The following CTPS2 variants were observed in gnomAD, a reference collection of about 807,000 sequenced individuals.
CTPS2 encodes CTP synthase II.
In CTPS2, 19 loss-of-function variants were observed where a neutral mutation model predicts 46.8. The ratio of observed to expected loss-of-function variants is 0.41; its 90% confidence interval spans 0.28 to 0.60. CTPS2 has a LOEUF of 0.60. Ranked by LOEUF, CTPS2 falls within the 20% of genes least tolerant of loss-of-function variation. CTPS2 has a pLI of 0.35. For missense variants in CTPS2, 286 were observed against 447.6 expected, an observed-to-expected ratio of 0.64 and a Z score of 3.26; for synonymous variants, 151 against 165.2, an observed-to-expected ratio of 0.91 and a Z score of 0.66.
chrX:16,642,994 C>T (rs1179119971), intron 13 of CTPS2, among the ~76,000 whole-genome samples: 1 of 112,020 alleles, frequency 8.9e-6, no homozygotes, highest in African/African-American at 3.2e-5. Context: ...TCTCTTGGAA[C>T]TGAGCCATAT....
intron 8 of CTPS2, among the ~76,000 whole-genome samples, chrX:16,688,966 G>T (rs1923472026): frequency 9.1e-6 from 1 of 110,320 alleles, no homozygotes; most frequent in African/African-American, 3.3e-5. Context: ...GGGTGTGGTG[G>T]TGTGTGCCTC....
intron 4 of CTPS2, among the ~76,000 whole-genome samples, chrX:16,693,844 T>C (rs779594933): frequency 9.0e-6 from 1 of 110,980 alleles, no homozygotes; most frequent in South Asian, 3.8e-4. Flanking sequence ...TCCACGTGTA[T>C]ACTCTTCAGT....
chrX:16,674,730 C>T (rs934053456), intron 10 of CTPS2, among the ~76,000 whole-genome samples: 5 of 105,718 alleles, frequency 4.7e-5, no homozygotes, highest in South Asian at 8.7e-4. Context: ...CCCAGCTACT[C>T]GGGAGGCTGA....
intron 9 of CTPS2, among the ~76,000 whole-genome samples, chrX:16,681,515 C>T (rs1443372956): frequency 9.0e-6 from 1 of 111,359 alleles, no homozygotes; most frequent in African/African-American, 3.3e-5. Flanking sequence ...GAGGAATCTG[C>T]TTTCTGCATT....
chrX:16,670,618 G>A lies in CTPS2; in HGVS notation c.1151C>T (p.Ala384Val), dbSNP rs764056005. 5.0e-6 allele frequency: 6 copies of A among 1,206,452 alleles called. No homozygotes were observed. The highest frequency in any genetic ancestry group is 3.0e-5 in the East Asian group (1 of 33,622). ...CTTCTTTGTCCTTGCCCAAGAAATC[G>A]CCTGGAGTTTTCCCAATGTTCCTCT... ...GIRGTLGKLQAISWARTKKIP... is the reference protein window; with the variant it reads ...GIRGTLGKLQVISWARTKKIP... The change falls in exon 11 of 19, where the codon GCG becomes GTG. Residue 384 changes from alanine (A) to valine (V), a missense_variant. Ala to Val is a moderately conservative substitution (Grantham distance 64). Transcript: ENST00000359276.
intron 13 of CTPS2, among the ~76,000 whole-genome samples, chrX:16,667,127 C>G (rs757058674): frequency 3.2e-5 from 3 of 94,983 alleles, no homozygotes. Context: ...AATAATAGAC[C>G]CCCCCCCGCC....
chrX:16,633,139 G>A (rs61562626), intron 14 of CTPS2, among the ~76,000 whole-genome samples: 1,310 of 102,921 alleles, frequency 0.013, 19 homozygotes, highest in African/African-American at 0.044. Flanking sequence ...ACTGGAGTGC[G>A]GTGGTACAAT....
Position 16,680,343 on chromosome X carries a change from A to G in CTPS2, c.1006-1893T>C, listed in dbSNP as rs371904810. Among the ~76,000 whole-genome samples the G allele has an allele frequency of 2.0e-4, 22 of 109,941 alleles. No homozygotes were observed. In the East Asian group the frequency reaches 6.1e-3, roughly 30 times the overall value. On this transcript the variant is annotated intron_variant, in intron 9 of 18. Coordinates refer to ENST00000359276, the MANE Select transcript of CTPS2 (RefSeq NM_175859.3). ...GGAGGCCGAGGCAGGTGGATCACTT[A>G]AGGCCAGGAGTTTAAGACCAGCCTG...
rs1312815218 is a variant in CTPS2 at position 16,670,494 on chromosome X, T to C, written c.1189+86A>G. 5.9e-6 allele frequency: 4 copies of C among 680,930 alleles called. No individual in the cohort carries two copies. The East Asian group carries it at 1.0e-4, about 17-fold the overall frequency. 56.1% of individuals were successfully genotyped at this position (680,930 alleles called of 1,213,427 possible). Reference sequence around the variant, plus strand: ...ACTTTCAAATCCGAGTTCACACCTTTACGATAACAAACCTTTAGTGTTACC... The same window carrying C: ...ACTTTCAAATCCGAGTTCACACCTTCACGATAACAAACCTTTAGTGTTACC... On this transcript the variant is annotated intron_variant, in intron 11 of 18. Transcript: ENST00000359276.
At chrX:16,697,326 C>T (rs1467071553) in intron 4 of CTPS2, among the ~76,000 whole-genome samples, 1 of 110,027 alleles carries the variant, frequency 9.1e-6, no homozygotes, top group Non-Finnish European at 1.9e-5. Flanking sequence ...GGCAATTAAG[C>T]CAACTGACAT....
At chrX:16,628,119 T>C (rs1931260839) in intron 14 of CTPS2, among the ~76,000 whole-genome samples, 1 of 111,515 alleles carries the variant, frequency 9.0e-6, no homozygotes, top group African/African-American at 3.3e-5. Context: ...GGCTCCTTTA[T>C]TTCTCCTTTA....
chrX:16,609,708 G>C, intron 16 of CTPS2, 23 bp from the exon 17 acceptor site: 2 of 1,179,830 alleles, frequency 1.7e-6, no homozygotes, highest in Non-Finnish European at 2.3e-6. Context: ...CAATCACGAT[G>C]CGATTAAAGC....
intron 8 of CTPS2, among the ~76,000 whole-genome samples, chrX:16,685,091 CA>C (rs373137189): frequency 1.9e-3 from 202 of 104,871 alleles, no homozygotes; most frequent in African/African-American, 6.5e-3. Flanking sequence ...ACTTCTTCTC[CA>C]AAAAAAAAAG....
chrX:16,703,458 G>A (rs1391883030), intron 1 of CTPS2, among the ~76,000 whole-genome samples: 1 of 110,332 alleles, frequency 9.1e-6, no homozygotes, highest in African/African-American at 3.3e-5. Context: ...AGGCTCCAGA[G>A]TGGCTGGGAC....
At chrX:16,673,951 A>G (rs1449795603) in intron 10 of CTPS2, among the ~76,000 whole-genome samples, 1 of 111,988 alleles carries the variant, frequency 8.9e-6, no homozygotes, top group Non-Finnish European at 1.9e-5. Context: ...GTACGTAATT[A>G]AAATTGCTTA....
intron 14 of CTPS2, among the ~76,000 whole-genome samples, chrX:16,633,262 T>A (rs1328070118): frequency 9.2e-6 from 1 of 109,284 alleles, no homozygotes; most frequent in African/African-American, 3.3e-5. Context: ...TTTTTAAAAA[T>A]TTTTTTGTAG....
intron 3 of CTPS2, among the ~76,000 whole-genome samples, chrX:16,698,693 G>C (rs1337041194): frequency 9.0e-6 from 1 of 111,041 alleles, no homozygotes; most frequent in Non-Finnish European, 1.9e-5. Context: ...TGGGATTACA[G>C]GCATGCGCCA....
intron 13 of CTPS2, among the ~76,000 whole-genome samples, chrX:16,663,989 C>A (rs1199098651): frequency 7.2e-5 from 8 of 110,717 alleles, no homozygotes; most frequent in African/African-American, 2.0e-4. Flanking sequence ...GCGCGTGCCA[C>A]CACGCCCAGC....
intron 17 of CTPS2, among the ~76,000 whole-genome samples, chrX:16,599,053 G>A (rs1188696755): frequency 3.6e-5 from 4 of 111,837 alleles, no homozygotes; most frequent in Admixed American, 9.5e-5. Context: ...TTGATGGGAC[G>A]TATCTCAAAA....
Sources: allele counts gnomAD v4.1 joint callset (sites outside exome capture counted in the v4.1 genomes callset), GRCh38; gene constraint gnomAD v4.1.1; transcripts MANE v1.5; gene names NCBI Gene and HGNC (gene_info 2026-07-23, HGNC 2026-07-21).